The following ABHD17B variants were observed in gnomAD, a reference collection of about 807,000 sequenced individuals.
ABHD17B encodes alpha/beta hydrolase domain-containing protein 17B.
In ABHD17B, 9 loss-of-function variants were observed where a neutral mutation model predicts 26.2. The ratio of observed to expected loss-of-function variants is 0.34; its 90% confidence interval spans 0.21 to 0.60. ABHD17B has a LOEUF of 0.60. Among genes scored for constraint, ABHD17B ranks in the 20% least tolerant of loss-of-function variants. The probability of loss-of-function intolerance (pLI) is 0.80; values close to 1 mark genes in which losing one functional copy is unlikely to be tolerated. For synonymous variants in ABHD17B, 127 were observed against 122.3 expected (o/e 1.04, Z -0.25); for missense variants, 224 against 352.1 (o/e 0.64, Z 2.91).
chr9:71,906,095 C>T (rs565873539), intron 1 of ABHD17B, among the ~76,000 whole-genome samples: 6 of 151,964 alleles, frequency 3.9e-5, no homozygotes, highest in Admixed American at 2.6e-4. Context: ...AATAGTGCTG[C>T]TCCATGCCTC....
At chr9:71,875,115 A>G in intron 1 of ABHD17B, 32 bp from the exon 2 acceptor site, 1 of 1,527,064 alleles carries the variant, frequency 6.5e-7, no homozygotes, top group South Asian at 1.1e-5. Context: ...CAAATATTTT[A>G]ATAACTGAAT....
At chr9:71,907,796 T>A (rs1279640427) in intron 1 of ABHD17B, among the ~76,000 whole-genome samples, 1 of 152,202 alleles carries the variant, frequency 6.6e-6, no homozygotes, top group Non-Finnish European at 1.5e-5. Context: ...ATTACAGGCG[T>A]GAGCCACCGA....
At chr9:71,880,099 C>T (rs1007254146) in intron 1 of ABHD17B, among the ~76,000 whole-genome samples, 6 of 152,136 alleles carry the variant, frequency 3.9e-5, no homozygotes, top group Admixed American at 1.3e-4. Context: ...ACAAAACTCA[C>T]GCACTTCTTG....
downstream of ABHD17B, among the ~76,000 whole-genome samples, chr9:71,863,177 A>T (rs1206803189): frequency 2.0e-5 from 3 of 152,228 alleles, no homozygotes; most frequent in East Asian, 5.8e-4. Flanking sequence ...TGTTACTATC[A>T]AAATTGTACT....
At chr9:71,899,513 C>T (rs952300833) in intron 1 of ABHD17B, among the ~76,000 whole-genome samples, 4 of 152,146 alleles carry the variant, frequency 2.6e-5, no homozygotes, top group Non-Finnish European at 2.9e-5. Flanking sequence ...GTCTTGAATA[C>T]CCTTTTAGGC....
At chr9:71,870,954 A>G (rs1826094272) in intron 2 of ABHD17B, among the ~76,000 whole-genome samples, 1 of 152,230 alleles carries the variant, frequency 6.6e-6, no homozygotes, top group African/African-American at 2.4e-5. Context: ...CCACAGGTTT[A>G]AATAGATGAA....
At chr9:71,882,870 G>A (rs1286808075) in intron 1 of ABHD17B, among the ~76,000 whole-genome samples, 1 of 152,018 alleles carries the variant, frequency 6.6e-6, no homozygotes, top group Non-Finnish European at 1.5e-5. Context: ...ACATTGCCGG[G>A]CGCAGTGGTT....
chr9:71,867,616 A>C (rs558665087), intron 3 of ABHD17B, among the ~76,000 whole-genome samples: 1 of 152,306 alleles, frequency 6.6e-6, no homozygotes, highest in Non-Finnish European at 1.5e-5. Context: ...CAGAAAGCTA[A>C]GGAATTACCA....
chr9:71,882,416 T>G (rs923106854), intron 1 of ABHD17B, among the ~76,000 whole-genome samples: 6 of 152,220 alleles, frequency 3.9e-5, no homozygotes, highest in Non-Finnish European at 5.9e-5. Flanking sequence ...CCCAGTACTT[T>G]GGGAGGCCAA....
intron 1 of ABHD17B, among the ~76,000 whole-genome samples, chr9:71,894,087 C>CAAAAAAAAAAAAAAAAAAAAAA (rs1180729763): frequency 1.9e-5 from 1 of 52,324 alleles, no homozygotes; most frequent in African/African-American, 8.6e-5. Flanking sequence ...GACTCTATCT[C>CAAAAAAAAAAAAAAAAAAAAAA]AAAAAAAAAA....
chr9:71,885,180 C>A (rs923756988), intron 1 of ABHD17B, among the ~76,000 whole-genome samples: 1 of 152,030 alleles, frequency 6.6e-6, no homozygotes, highest in Admixed American at 6.6e-5. Context: ...AACGGTGGCT[C>A]ATGACTGTAA....
At position 71,865,975 on chromosome 9, in the gene ABHD17B, C is replaced by A. The variant is rs1825946854; in HGVS notation, c.*812G>T. On this transcript the variant is annotated 3_prime_UTR_variant, in exon 4 of 4. Transcript: ENST00000333421. ...TCATACAATGAAGACTACTGCAATT[C>A]TATGAAGACTATGAGATCAGTCAAA... 1.0e-6 allele frequency: 1 copy of A among 985,028 alleles called. No homozygotes were observed. Among genetic ancestry groups the A allele is most frequent in the Non-Finnish European group, 1.2e-6 (1 of 829,712 alleles). The allele number at this position is 985,028 out of a possible 1,614,324, so 61.0% of individuals were successfully genotyped here.
At chr9:71,889,189 C>T (rs1269089420) in intron 1 of ABHD17B, among the ~76,000 whole-genome samples, 2 of 151,704 alleles carry the variant, frequency 1.3e-5, no homozygotes, top group Non-Finnish European at 2.9e-5. Context: ...TGGTGGCAGG[C>T]GCCTGTAATC....
At chr9:71,887,305 T>C (rs1285715395) in intron 1 of ABHD17B, among the ~76,000 whole-genome samples, 3 of 152,048 alleles carry the variant, frequency 2.0e-5, no homozygotes, top group African/African-American at 7.2e-5. Context: ...AAAAAAAAGC[T>C]AGTAAGGTTC....
At chr9:71,864,383 C>A (rs945133935), downstream of ABHD17B, among the ~76,000 whole-genome samples, 72 of 151,860 alleles carry the variant, frequency 4.7e-4, no homozygotes, top group African/African-American at 1.6e-3. Context: ...CCACGCCCAG[C>A]TAACTTTTTG....
downstream of ABHD17B, chr9:71,862,510 A>T: frequency 6.5e-7 from 1 of 1,534,390 alleles, no homozygotes; most frequent in South Asian, 1.2e-5. Flanking sequence ...ATATTAATCC[A>T]GTTAAGTTTG....
intron 1 of ABHD17B, among the ~76,000 whole-genome samples, chr9:71,880,342 A>C (rs1403338400): frequency 6.6e-6 from 1 of 152,140 alleles, no homozygotes; most frequent in African/African-American, 2.4e-5. Context: ...TGCATGAAAA[A>C]ACCTTAAAAA....
intron 1 of ABHD17B, among the ~76,000 whole-genome samples, chr9:71,905,085 T>A (rs1446938363): frequency 6.6e-6 from 1 of 152,050 alleles, no homozygotes; most frequent in African/African-American, 2.4e-5. Context: ...AAAGACAACA[T>A]ATTTAAAGTG....
chr9:71,865,297 C>T lies in ABHD17B; in HGVS notation c.*1490G>A. ...CAGAACAATTAAAACTACATAAGGC[C>T]TTAAAATATATCCACAGTGTGTATT... On this transcript the variant is annotated 3_prime_UTR_variant, in exon 4 of 4. Transcript: ENST00000333421. The T allele has an allele frequency of 1.0e-6, 1 of 985,570 alleles. No homozygotes were observed. Among genetic ancestry groups the T allele is most frequent in the Non-Finnish European group, 1.2e-6 (1 of 829,726 alleles). The allele number at this position is 985,570 out of a possible 1,614,324, so 61.1% of individuals were successfully genotyped here.
Sources: allele counts gnomAD v4.1 joint callset (sites outside exome capture counted in the v4.1 genomes callset), GRCh38; gene constraint gnomAD v4.1.1; transcripts MANE v1.5; gene names NCBI Gene and HGNC (gene_info 2026-07-23, HGNC 2026-07-21).